The following TARS3 variants were observed in gnomAD, a reference collection of about 807,000 sequenced individuals.
The protein encoded by TARS3 is threonine--tRNA ligase 2, cytoplasmic.
Under a neutral mutation model 103.5 loss-of-function variants are expected in TARS3, and 94 were observed. The observed-to-expected ratio is 0.91, with a 90% CI of 0.77 to 1.08. The LOEUF (loss-of-function observed/expected upper bound fraction) is 1.08. Ranked by LOEUF, TARS3 falls within the 50% of genes least tolerant of loss-of-function variation. The pLI is 0.00. For missense variants in TARS3, 952 were observed against 995.2 expected (o/e 0.96, Z 0.58); for synonymous variants, 416 against 355.4 (o/e 1.17, Z -1.92).
intron 12 of TARS3, 64 bp downstream of exon 12, chr15:101,684,011 A>G: frequency 6.8e-7 from 1 of 1,470,948 alleles, no homozygotes; most frequent in Admixed American, 2.1e-5. Context: ...AAAGAATACA[A>G]GATGTGTGCG....
chr15:101,712,869 G>C (rs980847106), intron 4 of TARS3, among the ~76,000 whole-genome samples: 1 of 152,224 alleles, frequency 6.6e-6, no homozygotes, highest in South Asian at 2.1e-4. Flanking sequence ...AGATGATGGA[G>C]CACTATGTGC....
chr15:101,674,321 T>G (rs1042565226), intron 13 of TARS3, among the ~76,000 whole-genome samples: 2 of 152,214 alleles, frequency 1.3e-5, no homozygotes, highest in Admixed American at 6.5e-5. Context: ...CACAAAATGC[T>G]TCCTTTAAGT....
intron 18 of TARS3, among the ~76,000 whole-genome samples, chr15:101,655,547 C>G (rs892725524): frequency 1.4e-5 from 2 of 143,812 alleles, no homozygotes; most frequent in African/African-American, 5.4e-5. Flanking sequence ...GAGCGGGGAG[C>G]TCTTACAGAC....
rs778129581 is a variant in TARS3 at position 101,657,772 on chromosome 15, C to T, written c.2145+13G>A. 4 of 1,582,932 alleles carry T rather than the reference C, an allele frequency of 2.5e-6. No homozygotes were observed. Among genetic ancestry groups the T allele is most frequent in the Non-Finnish European group, 3.5e-6 (4 of 1,156,638 alleles). ...GCAAGATTATTATGTACTTTAAACA[C>T]CTCTGATTTTACCTGAAGTGCATAT... On this transcript the variant is annotated intron_variant, in intron 17 of 18. Transcript: ENST00000335968.
intron 12 of TARS3, among the ~76,000 whole-genome samples, chr15:101,683,241 A>G (rs1596302613): frequency 6.6e-6 from 1 of 152,214 alleles, no homozygotes; most frequent in Admixed American, 6.5e-5. Context: ...ATTCAGTGCT[A>G]TAAACATCCC....
chr15:101,709,554 G>A (rs552210536), intron 5 of TARS3, among the ~76,000 whole-genome samples: 6 of 152,256 alleles, frequency 3.9e-5, no homozygotes, highest in Non-Finnish European at 5.9e-5. Context: ...CACTCCGGTC[G>A]GCTTCAATGC....
chr15:101,687,220 T>C (rs1898512927), intron 10 of TARS3, among the ~76,000 whole-genome samples: 1 of 151,944 alleles, frequency 6.6e-6, no homozygotes, highest in South Asian at 2.1e-4. Flanking sequence ...CTGGCTAACA[T>C]GATGAAACCC....
intron 16 of TARS3, among the ~76,000 whole-genome samples, chr15:101,659,118 G>T (rs748086053): frequency 6.6e-6 from 1 of 152,138 alleles, no homozygotes; most frequent in Non-Finnish European, 1.5e-5. Flanking sequence ...AACAACATGC[G>T]AACCTACAAT....
chr15:101,658,617 C>T (rs1055853264), intron 16 of TARS3, among the ~76,000 whole-genome samples: 5 of 152,046 alleles, frequency 3.3e-5, no homozygotes, highest in African/African-American at 4.8e-5. Flanking sequence ...ACCATCTGTC[C>T]GTGTGACACA....
chr15:101,671,278 C>T (rs765313402), intron 15 of TARS3, among the ~76,000 whole-genome samples: 9 of 152,282 alleles, frequency 5.9e-5, no homozygotes, highest in Non-Finnish European at 1.0e-4. Context: ...CATATCTCTA[C>T]TCTCATGTTT....
intron 4 of TARS3, among the ~76,000 whole-genome samples, chr15:101,714,029 T>G (rs1209253561): frequency 6.6e-6 from 1 of 152,192 alleles, no homozygotes; most frequent in Non-Finnish European, 1.5e-5. Flanking sequence ...TAACTTAGGT[T>G]TCATGAAGAT....
At chr15:101,718,851 A>ATT (rs1900303625) in intron 3 of TARS3, among the ~76,000 whole-genome samples, 1 of 152,218 alleles carries the variant, frequency 6.6e-6, no homozygotes, top group Admixed American at 6.5e-5. Context: ...GATCATGGTA[A>ATT]TTGTATTGCC....
intron 2 of TARS3, among the ~76,000 whole-genome samples, 173 bp downstream of exon 2, chr15:101,722,920 G>A (rs1900560483): frequency 6.6e-6 from 1 of 151,974 alleles, no homozygotes; most frequent in African/African-American, 2.4e-5. Context: ...AACATGGGCA[G>A]CTCATTTCTC....
At chr15:101,715,328 A>G (rs1900095991) in intron 3 of TARS3, among the ~76,000 whole-genome samples, 1 of 151,634 alleles carries the variant, frequency 6.6e-6, no homozygotes. Context: ...TTGTATTTTT[A>G]GTAGAGACGG....
At chr15:101,722,766 C>T (rs942655709) in intron 2 of TARS3, among the ~76,000 whole-genome samples, 4 of 151,170 alleles carry the variant, frequency 2.6e-5, no homozygotes, top group Admixed American at 1.3e-4. Context: ...CTGCAGTAAC[C>T]GAGATCATGC....
chr15:101,714,843 T>C lies in TARS3; in HGVS notation c.687A>G (p.Gln229=). The C allele has an allele frequency of 6.2e-7, 1 of 1,604,212 alleles. No individual in the cohort carries two copies. The highest frequency in any genetic ancestry group is 8.5e-7 in the Non-Finnish European group (1 of 1,174,402). The change falls in exon 4 of 19, where the codon CAA becomes CAG. Residue 229 remains glutamine, a synonymous_variant. Coordinates refer to ENST00000335968, the MANE Select transcript of TARS3 (RefSeq NM_152334.3). The stretch of plus-strand genomic sequence containing the variant: ...TGTCTGGTTTTTAAATACTCACAGC[T>C]TGAGCTTCCTCATTATCAAATGTAA... The part of the protein sequence containing the change: ...ELLTFDNEEA[Q]AVYWHSSAHI...
intron 13 of TARS3, 105 bp from the exon 14 acceptor site, chr15:101,671,853 C>A: frequency 1.1e-6 from 1 of 879,136 alleles, no homozygotes; most frequent in Non-Finnish European, 1.8e-6. Context: ...TATGTTAGTT[C>A]AACATATATT....
intron 15 of TARS3, among the ~76,000 whole-genome samples, chr15:101,663,361 C>T (rs1897455752): frequency 6.6e-6 from 1 of 152,202 alleles, no homozygotes; most frequent in Non-Finnish European, 1.5e-5. Flanking sequence ...AGTACAGTAA[C>T]ATTCTGCACA....
chr15:101,683,272 C>A (rs1478199898), intron 12 of TARS3, among the ~76,000 whole-genome samples: 3 of 152,120 alleles, frequency 2.0e-5, no homozygotes, highest in African/African-American at 7.2e-5. Flanking sequence ...AAATCGCATC[C>A]TACAAATTTT....
Sources: gnomAD v4.1 joint callset for allele counts (sites outside exome capture counted in the v4.1 genomes callset) on GRCh38, gnomAD v4.1.1 for gene constraint, MANE v1.5 for transcripts, NCBI Gene and HGNC (gene_info 2026-07-23, HGNC 2026-07-21) for gene names.